Variants in C6 observed in about 807,000 individuals in gnomAD.
C6 encodes complement component C6.
In C6, 101 loss-of-function variants were observed where a neutral mutation model predicts 112.9. The ratio of observed to expected loss-of-function variants is 0.89; its 90% CI spans 0.76 to 1.06. C6 has a LOEUF of 1.06. Among genes scored for constraint, C6 ranks in the 50% least tolerant of loss-of-function variants. C6 has a pLI of 0.00. For synonymous variants in C6, 431 were observed against 384.1 expected, an observed-to-expected ratio of 1.12 and a Z score of -1.43; for missense variants, 1,202 against 1,104.6, an observed-to-expected ratio of 1.09 and a Z score of -1.25.
At chr5:41,201,315 T>G (rs1201723141) in intron 3 of C6, among the ~76,000 whole-genome samples, 1 of 152,172 alleles carries the variant, frequency 6.6e-6, no homozygotes, top group Non-Finnish European at 1.5e-5. Flanking sequence ...CAGAACTGGG[T>G]AAGTACAATA....
At chr5:41,175,715 G>A (rs1457974871) in intron 8 of C6, among the ~76,000 whole-genome samples, 3 of 152,170 alleles carry the variant, frequency 2.0e-5, no homozygotes. Flanking sequence ...TTTCTTCTGA[G>A]GGTGAGACAA....
intron 6 of C6, among the ~76,000 whole-genome samples, chr5:41,183,291 T>C (rs1749493016): frequency 6.6e-6 from 1 of 152,210 alleles, no homozygotes; most frequent in Admixed American, 6.5e-5. Flanking sequence ...TGAGCAATTA[T>C]AACCTTTGTT....
chr5:41,246,210 A>G (rs1313696376), intron 1 of C6, among the ~76,000 whole-genome samples: 1 of 152,136 alleles, frequency 6.6e-6, no homozygotes, highest in Non-Finnish European at 1.5e-5. Context: ...TCTTGGTGCT[A>G]CGTTTCTCTT....
At chr5:41,146,535 A>G (rs1745843459) in intron 17 of C6, among the ~76,000 whole-genome samples, 1 of 152,180 alleles carries the variant, frequency 6.6e-6, no homozygotes, top group Non-Finnish European at 1.5e-5. Context: ...GCTAATCCAA[A>G]CAGAACCCTC....
rs773101647 is a variant in C6, at chr5:41,142,807, G to A, written c.*18C>T. ...GATGGTAAATCTGTTCATTGTGCTG[G>A]GCCTAGCAGTAATTGTGCTAGGCCA... is the stretch of plus-strand genomic sequence containing the variant. On this transcript the variant is annotated 3_prime_UTR_variant, in exon 18 of 18. Coordinates refer to ENST00000337836, the MANE Select transcript of C6 (RefSeq NM_000065.5). 3.1e-6 allele frequency: 5 copies of A among 1,594,184 alleles called. No individual in the cohort carries two copies. In the African/African-American group the frequency reaches 4.0e-5, roughly 13 times the overall value.
intron 9 of C6, among the ~76,000 whole-genome samples, chr5:41,164,281 C>T (rs1024869469): frequency 6.6e-5 from 10 of 152,024 alleles, no homozygotes; most frequent in Non-Finnish European, 1.3e-4. Context: ...AGGAGGATGG[C>T]GCTCTGAAGG....
At chr5:41,176,788 T>A (rs1016202958) in intron 7 of C6, 73 bp from the exon 8 acceptor site, 2 of 1,353,070 alleles carry the variant, frequency 1.5e-6, no homozygotes, top group African/African-American at 2.9e-5. Flanking sequence ...TTAAATGTCA[T>A]TGATTTATCA....
intron 9 of C6, among the ~76,000 whole-genome samples, chr5:41,162,273 C>T (rs920565967): frequency 3.3e-5 from 5 of 152,284 alleles, no homozygotes; most frequent in East Asian, 1.9e-4. Flanking sequence ...TAATGTCAAC[C>T]GCCCTGCTTC....
intron 9 of C6, among the ~76,000 whole-genome samples, chr5:41,170,846 G>A (rs530316681): frequency 6.6e-6 from 1 of 152,266 alleles, no homozygotes; most frequent in South Asian, 2.1e-4. Context: ...ATTTTACAGA[G>A]AGGAAGGAGT....
chr5:41,260,724 A>C (rs1479900907), intron 1 of C6, among the ~76,000 whole-genome samples: 1 of 151,832 alleles, frequency 6.6e-6, no homozygotes, highest in Non-Finnish European at 1.5e-5. Context: ...GTAGTAAGCC[A>C]AGATGGCGCC....
At chr5:41,250,665 GGAC>G (rs1484058588) in intron 1 of C6, among the ~76,000 whole-genome samples, 1 of 152,064 alleles carries the variant, frequency 6.6e-6, no homozygotes, top group Non-Finnish European at 1.5e-5. Flanking sequence ...CCTCTAGCTG[GGAC>G]CTAGAATGAG....
At chr5:41,223,600 G>A (rs981947356) in intron 1 of C6, among the ~76,000 whole-genome samples, 4 of 152,148 alleles carry the variant, frequency 2.6e-5, no homozygotes, top group African/African-American at 9.7e-5. Context: ...TTGGAGGTGG[G>A]TGAGAAGCAG....
chr5:41,154,426 T>C (rs2301247), intron 14 of C6, among the ~76,000 whole-genome samples: 61,142 of 152,096 alleles, frequency 0.4, 12,468 homozygotes, highest in African/African-American at 0.43. Flanking sequence ...CTTTGGACTC[T>C]CATTCAAGCC....
intron 1 of C6, among the ~76,000 whole-genome samples, chr5:41,240,508 C>T (rs1561200087): frequency 6.6e-6 from 1 of 152,114 alleles, no homozygotes; most frequent in Admixed American, 6.5e-5. Flanking sequence ...GCAGCATTCT[C>T]TGGTATTAAT....
In C6 at chr5:41,172,359, A is replaced by T. The variant is rs777575194; in HGVS notation, c.1169-12T>A. 1 of 1,613,208 alleles carries T rather than the reference A, an allele frequency of 6.2e-7. No homozygotes were observed. Among genetic ancestry groups the T allele is most frequent in the South Asian group, 1.1e-5 (1 of 91,068 alleles). ...TTCCTCGGTTAAACCTAGGAGATGA[A>T]GTACAAACAGAAACCACTGAGAATG... On this transcript the variant is annotated splice_polypyrimidine_tract_variant and intron_variant, in intron 8 of 17. Transcript: ENST00000337836.
intron 13 of C6, among the ~76,000 whole-genome samples, chr5:41,157,702 A>G (rs1279376594): frequency 2.6e-5 from 4 of 152,180 alleles, no homozygotes; most frequent in Non-Finnish European, 5.9e-5. Flanking sequence ...AGCAATGGAT[A>G]TTTCTGTGCC....
At chr5:41,242,223 G>A (rs1740754965) in intron 1 of C6, among the ~76,000 whole-genome samples, 1 of 152,146 alleles carries the variant, frequency 6.6e-6, no homozygotes, top group Non-Finnish European at 1.5e-5. Context: ...CAAGGGTAGA[G>A]GTAATTGGTT....
chr5:41,208,648 A>G (rs114423180), intron 1 of C6, among the ~76,000 whole-genome samples: 3,694 of 152,372 alleles, frequency 0.024, 163 homozygotes, highest in African/African-American at 0.084. Flanking sequence ...CTGAACACAT[A>G]CAACCTCTCA....
At chr5:41,183,503 A>T (rs1489970419) in intron 6 of C6, among the ~76,000 whole-genome samples, 2 of 152,198 alleles carry the variant, frequency 1.3e-5, no homozygotes, top group African/African-American at 2.4e-5. Context: ...AAGGCTGTGG[A>T]GAAAAGGAAT....
Sources: allele counts gnomAD v4.1 joint callset (sites outside exome capture counted in the v4.1 genomes callset), GRCh38; gene constraint gnomAD v4.1.1; transcripts MANE v1.5; gene names NCBI Gene and HGNC (gene_info 2026-07-23, HGNC 2026-07-21).